The following CREB5 variants were observed in gnomAD, a reference collection of about 807,000 sequenced individuals.
The protein encoded by CREB5 is cAMP responsive element binding protein 5, also known as cyclic AMP-responsive element-binding protein 5.
In CREB5, 19 loss-of-function variants were observed where a neutral mutation model predicts 57.1. The observed-to-expected ratio is 0.33, with a 90% CI of 0.23 to 0.49. The LOEUF (loss-of-function observed/expected upper bound fraction) is 0.49, where lower values mean the gene tolerates loss of function less well. CREB5 is among the 20% of genes least tolerant of loss of function. CREB5 has a pLI of 0.99. For synonymous variants in CREB5, 238 were observed against 238.3 expected (o/e 1.00, Z 0.01); for missense variants, 579 against 671.6 (o/e 0.86, Z 1.52).
At chr7:28,408,434 A>T (rs146822696), upstream of CREB5, among the ~76,000 whole-genome samples, 24 of 152,276 alleles carry the variant, frequency 1.6e-4, no homozygotes, top group African/African-American at 5.8e-4. Flanking sequence ...AGTGATGGTG[A>T]CGGCCGGATA....
chr7:28,384,315 C>T (rs553924204), intron 1 of CREB5, among the ~76,000 whole-genome samples: 29 of 152,164 alleles, frequency 1.9e-4, no homozygotes, highest in Non-Finnish European at 3.5e-4. Flanking sequence ...GCAGCAAATT[C>T]GCATTCAAAG....
chr7:28,740,494 A>G (rs1804270137), intron 7 of CREB5, among the ~76,000 whole-genome samples: 1 of 152,180 alleles, frequency 6.6e-6, no homozygotes, highest in Non-Finnish European at 1.5e-5. Flanking sequence ...CAGTCTCAGA[A>G]ATCCTTTTGA....
Position 28,379,298 on chromosome 7 carries a change from C to G in CREB5, c.-25+79857C>G, listed in dbSNP as rs1786910399. Among the ~76,000 whole-genome samples, 3 of 152,224 alleles carry G rather than the reference C, an allele frequency of 2.0e-5. No individual in the cohort carries two copies. In the South Asian group the frequency reaches 6.2e-4, roughly 32 times the overall value. The stretch of plus-strand genomic sequence containing the variant: ...GGATACAGACGCTATCTACTACACT[C>G]ATATGTTCTAACCACCAATTTAAGC... On this transcript the variant is annotated intron_variant, in intron 1 of 9. Transcript: ENST00000396299.
chr7:28,408,721 G>A (rs1036612739), upstream of CREB5, among the ~76,000 whole-genome samples: 4 of 152,258 alleles, frequency 2.6e-5, no homozygotes, highest in African/African-American at 9.6e-5. Flanking sequence ...TGTATTTCAT[G>A]AGAGTGTGCA....
In CREB5 at chr7:28,809,394, C is replaced by G; in HGVS notation, c.1234C>G (p.Gln412Glu). The G allele has an allele frequency of 6.2e-7, 1 of 1,613,420 alleles. No homozygotes were observed. Among genetic ancestry groups the G allele is most frequent in the Non-Finnish European group, 8.5e-7 (1 of 1,179,734 alleles). The change falls in exon 9 of 11, where the codon CAG (glutamine) becomes GAG (glutamate). Residue 412 changes from glutamine (Q) to glutamate (E), a missense_variant. Physicochemically the swap from Gln to Glu is conservative, Grantham distance 29. Transcript: ENST00000357727. ...GGAAAAGAAAGCAGAAGAACTCACC[C>G]AGACAAACATGCAGCTTCAGGTGCA... ...SLEKKAEELT[Q>E]TNMQLQNEVS...
At position 28,673,958 on chromosome 7, in the gene CREB5, C is replaced by T. The variant is rs1800193784; in HGVS notation, c.465-44795C>T. 2.6e-5 allele frequency among the ~76,000 whole-genome samples: 4 copies of T among 151,914 alleles called. No individual in the cohort carries two copies. The South Asian group carries it at 6.2e-4, about 24-fold the overall frequency. ...CAAAGTGCCAGAATTACAGGTGTGG[C>T]TGCCATGTCCAACCAATTTATCTCT... On this transcript the variant is annotated intron_variant, in intron 5 of 10. Coordinates refer to ENST00000357727, the MANE Select transcript of CREB5 (RefSeq NM_182898.4).
chr7:28,803,351 T>A (rs1448670030), intron 7 of CREB5, among the ~76,000 whole-genome samples: 1 of 152,202 alleles, frequency 6.6e-6, no homozygotes, highest in East Asian at 1.9e-4. Flanking sequence ...TAACTCTAAT[T>A]TTAAGCCCTA....
intron 1 of CREB5, among the ~76,000 whole-genome samples, chr7:28,425,635 T>C (rs553707471): frequency 6.6e-6 from 1 of 152,324 alleles, no homozygotes; most frequent in South Asian, 2.1e-4. Context: ...TAACACATCA[T>C]GGAAGAAAAC....
intron 1 of CREB5, among the ~76,000 whole-genome samples, chr7:28,392,955 G>A (rs113273686): frequency 2.0e-5 from 3 of 150,024 alleles, no homozygotes; most frequent in African/African-American, 7.4e-5. Context: ...ACAGAGTTTC[G>A]CTCTTGTTGC....
In CREB5 at chr7:28,560,915, CGTGT is replaced by C. The variant is rs1272052332; in HGVS notation, c.292-9446_292-9443del. ...GTGTGTGCGTGCGCGCGTGCGTGTG[CGTGT>C]GTGCGCGTGCGTGTGTGCGTGCGTG... On this transcript the variant is annotated intron_variant, in intron 4 of 10. Coordinates refer to ENST00000357727, the MANE Select transcript of CREB5 (RefSeq NM_182898.4). 3.5e-3 allele frequency among the ~76,000 whole-genome samples: 59 copies of C among 16,882 alleles called. 2 individuals carry two copies. Among genetic ancestry groups the C allele is most frequent in the African/African-American group, 0.014 (51 of 3,602 alleles). 11.1% of individuals were successfully genotyped at this position (16,882 alleles called of 152,430 possible). A position where few individuals can be genotyped will look rare whatever the true frequency, so the allele number is the denominator to read the frequency against.
At chr7:28,525,174 C>T (rs1382330300) in intron 4 of CREB5, among the ~76,000 whole-genome samples, 2 of 152,098 alleles carry the variant, frequency 1.3e-5, no homozygotes, top group Non-Finnish European at 2.9e-5. Flanking sequence ...TTTTAGGGCC[C>T]AGTAGTATTC....
intron 1 of CREB5, among the ~76,000 whole-genome samples, chr7:28,338,462 G>C (rs1422723213): frequency 6.6e-6 from 1 of 152,154 alleles, no homozygotes; most frequent in Non-Finnish European, 1.5e-5. Context: ...TGGCCTGTAA[G>C]GTTTCCACTG....
intron 7 of CREB5, among the ~76,000 whole-genome samples, chr7:28,741,229 A>C (rs934324097): frequency 1.3e-5 from 2 of 152,168 alleles, no homozygotes; most frequent in African/African-American, 4.8e-5. Flanking sequence ...CAGAACTCAA[A>C]ACACAGTTTT....
At chr7:28,429,375 C>G (rs1788628148) in intron 1 of CREB5, among the ~76,000 whole-genome samples, 1 of 152,180 alleles carries the variant, frequency 6.6e-6, no homozygotes, top group Admixed American at 6.5e-5. Flanking sequence ...TCTGAAATGT[C>G]AGGGATAAAG....
chr7:28,648,996 C>T (rs1413460015), intron 5 of CREB5, among the ~76,000 whole-genome samples: 1 of 152,168 alleles, frequency 6.6e-6, no homozygotes, highest in Admixed American at 6.5e-5. Flanking sequence ...TGACGAGCAA[C>T]ATTAGGCAGT....
intron 7 of CREB5, among the ~76,000 whole-genome samples, chr7:28,738,717 G>A (rs1804174008): frequency 6.6e-6 from 1 of 152,212 alleles, no homozygotes. Context: ...AGCTTGTGAG[G>A]AAAGATGAGC....
chr7:28,565,070 C>G (rs1475031122), intron 4 of CREB5, among the ~76,000 whole-genome samples: 3 of 152,184 alleles, frequency 2.0e-5, no homozygotes, highest in African/African-American at 7.2e-5. Context: ...GGTAGACAAA[C>G]TGGACTAGAA....
At chr7:28,421,547 A>G (rs971054016) in intron 1 of CREB5, among the ~76,000 whole-genome samples, 4 of 151,986 alleles carry the variant, frequency 2.6e-5, no homozygotes, top group African/African-American at 4.8e-5. Flanking sequence ...GACAGACGAC[A>G]TTGGTATGTG....
intron 5 of CREB5, among the ~76,000 whole-genome samples, chr7:28,625,758 T>C (rs1247577631): frequency 6.6e-6 from 1 of 152,206 alleles, no homozygotes; most frequent in Non-Finnish European, 1.5e-5. Context: ...CCTCCATCCA[T>C]GGAAAATGTG....
Sources: gnomAD v4.1 joint callset for allele counts (sites outside exome capture counted in the v4.1 genomes callset) on GRCh38, gnomAD v4.1.1 for gene constraint, MANE v1.5 for transcripts, NCBI Gene and HGNC (gene_info 2026-07-23, HGNC 2026-07-21) for gene names.